SPTLC3: variants seen among roughly 807,000 people sequenced by gnomAD.
SPTLC3 encodes serine palmitoyltransferase 3.
A neutral mutation model predicts 59.3 loss-of-function variants in SPTLC3; 36 were observed. That is an observed-to-expected ratio of 0.61 (90% CI 0.47 to 0.80). The LOEUF (loss-of-function observed/expected upper bound fraction) is 0.80, where lower values mean the gene tolerates loss of function less well. Ranked by LOEUF, SPTLC3 falls within the 30% of genes least tolerant of loss-of-function variation. SPTLC3 has a pLI of 0.00. For synonymous variants in SPTLC3, 257 were observed against 240.8 expected (o/e 1.07, Z -0.62); for missense variants, 625 against 685.1 (o/e 0.91, Z 0.98).
intron 1 of SPTLC3, among the ~76,000 whole-genome samples, chr20:13,011,889 C>T (rs910117288): frequency 2.2e-4 from 34 of 152,158 alleles, no homozygotes; most frequent in Non-Finnish European, 5.9e-5. Context: ...TGTTCTCCCT[C>T]TTCATGAGCA....
intron 1 of SPTLC3, among the ~76,000 whole-genome samples, chr20:13,016,790 G>A (rs1258489630): frequency 2.0e-5 from 3 of 152,040 alleles, no homozygotes; most frequent in Non-Finnish European, 4.4e-5. Flanking sequence ...TTAAATCTTT[G>A]GGAGGTAATC....
intron 9 of SPTLC3, among the ~76,000 whole-genome samples, chr20:13,148,392 G>C (rs2038564308): frequency 6.6e-6 from 1 of 152,200 alleles, no homozygotes; most frequent in Non-Finnish European, 1.5e-5. Flanking sequence ...AGCCAAGATA[G>C]GTACACCCTT....
chr20:13,128,013 T>C (rs2038034338), intron 9 of SPTLC3, among the ~76,000 whole-genome samples: 2 of 152,240 alleles, frequency 1.3e-5, no homozygotes, highest in African/African-American at 4.8e-5. Flanking sequence ...TATTCAACCC[T>C]GAGCAAGTTA....
intron 1 of SPTLC3, among the ~76,000 whole-genome samples, chr20:13,048,257 C>G (rs6131425): frequency 0.27 from 41,685 of 152,020 alleles, 5,783 homozygotes; most frequent in Middle Eastern, 0.36. Flanking sequence ...TTGTCTTTCA[C>G]CTGGTTTTTC....
chr20:13,082,338 G>C (rs1235120778), intron 4 of SPTLC3, among the ~76,000 whole-genome samples: 1 of 152,160 alleles, frequency 6.6e-6, no homozygotes, highest in Non-Finnish European at 1.5e-5. Flanking sequence ...AGTCCCACTG[G>C]AGAGCCATTT....
chr20:13,111,282 G>C (rs983619670), intron 7 of SPTLC3, among the ~76,000 whole-genome samples: 1 of 152,118 alleles, frequency 6.6e-6, no homozygotes, highest in Non-Finnish European at 1.5e-5. Context: ...AGCCAGCCCA[G>C]AGAGTATGTA....
intron 11 of SPTLC3, 190 bp from the exon 12 acceptor site, chr20:13,164,564 A>G: frequency 1.7e-6 from 1 of 597,964 alleles, no homozygotes; most frequent in Non-Finnish European, 3.0e-6. Context: ...AAAATTAATT[A>G]GCATCTAACA....
chr20:13,031,597 A>G (rs564346007), intron 1 of SPTLC3, among the ~76,000 whole-genome samples: 3 of 152,196 alleles, frequency 2.0e-5, no homozygotes, highest in Non-Finnish European at 4.4e-5. Flanking sequence ...AAAAGGTTCT[A>G]TTTTTGTTCT....
chr20:13,141,880 G>T (rs1325807856), intron 9 of SPTLC3, among the ~76,000 whole-genome samples: 1 of 152,206 alleles, frequency 6.6e-6, no homozygotes, highest in East Asian at 1.9e-4. Context: ...TGGTCTTTTT[G>T]TGTGTGTGGA....
At chr20:13,039,573 T>A (rs1286284599) in intron 1 of SPTLC3, among the ~76,000 whole-genome samples, 3 of 152,124 alleles carry the variant, frequency 2.0e-5, no homozygotes, top group Non-Finnish European at 2.9e-5. Context: ...AGTTTGACAA[T>A]CTGTACTTGA....
chr20:13,072,212 G>A (rs1988464733), intron 2 of SPTLC3, 44 bp from the exon 3 acceptor site: 18 of 1,561,336 alleles, frequency 1.2e-5, no homozygotes, highest in Non-Finnish European at 1.6e-5. Flanking sequence ...GTGAAATCCA[G>A]AAAGCAAAGA....
intron 1 of SPTLC3, among the ~76,000 whole-genome samples, chr20:13,021,209 A>T (rs1019734810): frequency 6.6e-6 from 1 of 152,048 alleles, no homozygotes; most frequent in African/African-American, 2.4e-5. Context: ...AGCTTTTCCT[A>T]TGCATTTTCT....
intron 2 of SPTLC3, among the ~76,000 whole-genome samples, chr20:13,052,862 G>A (rs1316413311): frequency 1.3e-5 from 2 of 152,178 alleles, no homozygotes; most frequent in Non-Finnish European, 2.9e-5. Context: ...TCTGGGCCTG[G>A]CATCTCGGGA....
chr20:13,030,965 G>A (rs905633270), intron 1 of SPTLC3, among the ~76,000 whole-genome samples: 11 of 151,866 alleles, frequency 7.2e-5, no homozygotes, highest in African/African-American at 1.7e-4. Flanking sequence ...TTGTTCATCC[G>A]TATTTCCTTC....
At position 13,074,377 on chromosome 20, in the gene SPTLC3, A is replaced by G. The variant is rs1329776619; in HGVS notation, c.487A>G (p.Ile163Val). 6.2e-7 allele frequency: 1 copy of G among 1,614,006 alleles called. No individual in the cohort carries two copies. Among genetic ancestry groups the G allele is most frequent in the Non-Finnish European group, 8.5e-7 (1 of 1,179,990 alleles). The change falls in exon 4 of 12, where the codon ATC becomes GTC. Residue 163 changes from isoleucine (I) to valine (V), a missense_variant. Physicochemically the swap from Ile to Val is conservative, Grantham distance 29. Coordinates refer to ENST00000399002, the MANE Select transcript of SPTLC3 (RefSeq NM_018327.4). The stretch of plus-strand genomic sequence containing the variant: ...TACTGGAAGAGTCATCAAAGATGTC[A>G]TCAACATGGGCTCCTATAACTTCCT... ...RFTGRVIKDV[I>V]NMGSYNFLGL... is the part of the protein sequence containing the mutation.
rs181112245 is a variant in SPTLC3 at position 13,059,108 on chromosome 20, T to G, written c.303+9978T>G. Among the ~76,000 whole-genome samples the G allele has an allele frequency of 2.9e-3, 438 of 152,324 alleles. 4 individuals carry two copies. Among genetic ancestry groups the G allele is most frequent in the African/African-American group, 9.4e-3 (392 of 41,578 alleles). On this transcript the variant is annotated intron_variant, in intron 2 of 11. Transcript: ENST00000399002. ...CATTTTGGCCTTGACCAGGTCACAA[T>G]GCTCCTATAAATCTTTAACAAAACA...
chr20:13,049,544 G>A (rs546846274), intron 2 of SPTLC3: 1 of 158,252 alleles, frequency 6.3e-6, no homozygotes, highest in East Asian at 1.9e-4. Flanking sequence ...GTGCATTTGA[G>A]TGAACTGGGA....
intron 1 of SPTLC3, among the ~76,000 whole-genome samples, chr20:13,013,565 A>G (rs760103827): frequency 1.3e-5 from 2 of 152,162 alleles, no homozygotes; most frequent in Non-Finnish European, 2.9e-5. Context: ...CCTTAAAACA[A>G]TCCCCAATGT....
At chr20:13,106,864 C>T (rs1256017705) in intron 6 of SPTLC3, among the ~76,000 whole-genome samples, 1 of 152,212 alleles carries the variant, frequency 6.6e-6, no homozygotes, top group African/African-American at 2.4e-5. Flanking sequence ...AGCAAACTGT[C>T]TCTTCTCTGT....
Sources: gnomAD v4.1 joint callset for allele counts (sites outside exome capture counted in the v4.1 genomes callset) on GRCh38, gnomAD v4.1.1 for gene constraint, MANE v1.5 for transcripts, NCBI Gene and HGNC (gene_info 2026-07-23, HGNC 2026-07-21) for gene names.